Variants in FIGN observed in about 807,000 individuals in gnomAD.
FIGN encodes fidgetin, microtubule severing factor.
A neutral mutation model predicts 51.3 loss-of-function variants in FIGN; 11 were observed. The observed-to-expected ratio is 0.21, with a 90% confidence interval of 0.13 to 0.35. FIGN has a LOEUF of 0.35. Ranked by LOEUF, FIGN falls within the 10% of genes least tolerant of loss-of-function variation. The pLI, the probability that FIGN is intolerant of heterozygous loss-of-function variation, is 1.00. For synonymous variants in FIGN, 407 were observed against 363.2 expected (o/e 1.12, Z -1.37); for missense variants, 857 against 943.6 (o/e 0.91, Z 1.20).
intron 2 of FIGN, among the ~76,000 whole-genome samples, chr2:163,675,098 T>C (rs1013777385): frequency 3.3e-4 from 51 of 152,330 alleles, no homozygotes; most frequent in African/African-American, 1.2e-3. Context: ...ATTTTTTCCA[T>C]GCCACATTTG....
At chr2:163,634,974 A>G (rs1191187084) in intron 2 of FIGN, among the ~76,000 whole-genome samples, 1 of 152,208 alleles carries the variant, frequency 6.6e-6, no homozygotes, top group Non-Finnish European at 1.5e-5. Context: ...AATTTAAAAA[A>G]ATCTAGTGAC....
intron 2 of FIGN, among the ~76,000 whole-genome samples, chr2:163,676,995 T>C (rs1401240682): frequency 6.6e-6 from 1 of 152,196 alleles, no homozygotes; most frequent in Non-Finnish European, 1.5e-5. Context: ...GAGGGATAGC[T>C]TTCAAACTCT....
chr2:163,629,038 G>A lies in FIGN; in HGVS notation c.26-17232C>T, dbSNP rs113454744. On this transcript the variant is annotated intron_variant, in intron 2 of 2. Coordinates refer to ENST00000333129, the MANE Select transcript of FIGN (RefSeq NM_018086.4). Reference sequence around the variant, plus strand: ...TTGGCTGCTGGAAAGATGAAGAGAAGTCCAAGCTTTACAAGGAGGTTTGGG... The same window carrying A: ...TTGGCTGCTGGAAAGATGAAGAGAAATCCAAGCTTTACAAGGAGGTTTGGG... 2.5e-3 allele frequency among the ~76,000 whole-genome samples: 386 copies of A among 152,266 alleles called. 2 individuals are homozygous for A. Among genetic ancestry groups the A allele is most frequent in the African/African-American group, 8.7e-3 (363 of 41,574 alleles).
At chr2:163,612,171 T>C (rs1691279170) in intron 2 of FIGN, among the ~76,000 whole-genome samples, 1 of 152,198 alleles carries the variant, frequency 6.6e-6, no homozygotes, top group African/African-American at 2.4e-5. Flanking sequence ...TAGAATTCAA[T>C]CATAGGTTCT....
At chr2:163,643,604 T>C (rs1310632443) in intron 2 of FIGN, among the ~76,000 whole-genome samples, 1 of 148,718 alleles carries the variant, frequency 6.7e-6, no homozygotes, top group Non-Finnish European at 1.5e-5. Context: ...TGAGCCAAGA[T>C]CATGCCACTG....
intron 2 of FIGN, among the ~76,000 whole-genome samples, chr2:163,653,150 G>T (rs542856343): frequency 1.2e-3 from 185 of 152,102 alleles, no homozygotes; most frequent in African/African-American, 4.2e-3. Context: ...TAGGATTATT[G>T]TGAAGATTAA....
chr2:163,655,731 A>T (rs16848750), intron 2 of FIGN, among the ~76,000 whole-genome samples: 1 of 151,960 alleles, frequency 6.6e-6, no homozygotes, highest in Admixed American at 6.6e-5. Flanking sequence ...TGATGATTAT[A>T]AAGTCTAATA....
chr2:163,626,942 G>C (rs1415031578), intron 2 of FIGN, among the ~76,000 whole-genome samples: 1 of 152,152 alleles, frequency 6.6e-6, no homozygotes. Context: ...GTTTACAAAT[G>C]CCTTGCCAAC....
intron 2 of FIGN, among the ~76,000 whole-genome samples, chr2:163,626,011 T>A (rs1314967607): frequency 6.6e-6 from 1 of 152,162 alleles, no homozygotes; most frequent in Admixed American, 6.6e-5. Context: ...CCTCTTCCAA[T>A]GCAACCTTTC....
intron 2 of FIGN, among the ~76,000 whole-genome samples, chr2:163,679,120 T>A (rs1302350320): frequency 6.6e-6 from 1 of 152,206 alleles, no homozygotes; most frequent in Non-Finnish European, 1.5e-5. Flanking sequence ...TTATAAATAT[T>A]AAGTATCTCT....
At position 163,666,726 on chromosome 2, in the gene FIGN, C is replaced by T. The variant is rs1683779408; in HGVS notation, c.26-54920G>A. ...AAAAATATCAAGGTAATTTTCTAAT[C>T]CAACTCTGGTATCAGGATGACAGAA... On this transcript the variant is annotated intron_variant, in intron 2 of 2. Coordinates refer to ENST00000333129, the MANE Select transcript of FIGN (RefSeq NM_018086.4). 2.0e-5 allele frequency among the ~76,000 whole-genome samples: 3 copies of T among 152,004 alleles called. No homozygotes were observed. The South Asian group carries it at 6.2e-4, about 31-fold the overall frequency.
intron 2 of FIGN, among the ~76,000 whole-genome samples, chr2:163,684,078 T>TG (rs1684107849): frequency 6.6e-6 from 1 of 152,182 alleles, no homozygotes; most frequent in African/African-American, 2.4e-5. Context: ...GTTTTTAAGT[T>TG]TATGTGTAAA....
At chr2:163,726,678 T>C (rs1684842568) in intron 2 of FIGN, among the ~76,000 whole-genome samples, 1 of 152,012 alleles carries the variant, frequency 6.6e-6, no homozygotes, top group African/African-American at 2.4e-5. Flanking sequence ...CACAAAGAAA[T>C]ATATCTATGC....
chr2:163,638,391 G>T (rs183718211), intron 2 of FIGN, among the ~76,000 whole-genome samples: 10 of 152,132 alleles, frequency 6.6e-5, no homozygotes, highest in Admixed American at 2.6e-4. Context: ...TTTTAGTGGG[G>T]CTTTACATTT....
In FIGN at chr2:163,660,792, T is replaced by C. The variant is rs1414125874; in HGVS notation, c.26-48986A>G. On this transcript the variant is annotated intron_variant, in intron 2 of 2. Coordinates refer to ENST00000333129, the MANE Select transcript of FIGN (RefSeq NM_018086.4). ...ATGTATACACATATACATATATATG[T>C]ATATAGATATACATATATATACATA... 8.8e-4 allele frequency among the ~76,000 whole-genome samples: 77 copies of C among 87,978 alleles called. 17 individuals carry two copies. Among genetic ancestry groups the C allele is most frequent in the African/African-American group, 1.0e-3 (23 of 22,656 alleles). 57.7% of individuals were successfully genotyped at this position (87,978 alleles called of 152,430 possible).
chr2:163,663,127 G>C (rs1425878928), intron 2 of FIGN, among the ~76,000 whole-genome samples: 1 of 151,980 alleles, frequency 6.6e-6, no homozygotes, highest in African/African-American at 2.4e-5. Context: ...CACCATGTTG[G>C]CCAGCCTGGT....
At chr2:163,617,197 A>G in intron 2 of FIGN, 1 of 985,184 alleles carries the variant, frequency 1.0e-6, no homozygotes, top group Non-Finnish European at 1.2e-6. Flanking sequence ...AAGTAACAGA[A>G]AGGGAAAAAA....
intron 2 of FIGN, among the ~76,000 whole-genome samples, chr2:163,683,769 G>C (rs906507450): frequency 1.3e-5 from 2 of 152,130 alleles, no homozygotes; most frequent in African/African-American, 4.8e-5. Flanking sequence ...TCTAATGTGC[G>C]GCCAAGGTTG....
At chr2:163,621,155 A>G (rs191669092) in intron 2 of FIGN, among the ~76,000 whole-genome samples, 5 of 152,290 alleles carry the variant, frequency 3.3e-5, no homozygotes, top group Admixed American at 3.3e-4. Context: ...TAGACAAAAG[A>G]GTAAGAATGT....
Sources: gnomAD v4.1 joint callset for allele counts (sites outside exome capture counted in the v4.1 genomes callset) on GRCh38, gnomAD v4.1.1 for gene constraint, MANE v1.5 for transcripts, NCBI Gene and HGNC (gene_info 2026-07-23, HGNC 2026-07-21) for gene names.